BMPR1B: variants seen among roughly 807,000 people sequenced by gnomAD.
BMPR1B encodes bone morphogenetic protein receptor type 1B, also known as bone morphogenetic protein receptor type-1B.
Under a neutral mutation model 59.1 loss-of-function variants are expected in BMPR1B, and 12 were observed. The ratio of observed to expected loss-of-function variants is 0.20; its 90% CI spans 0.13 to 0.33. BMPR1B has a LOEUF of 0.33. Among genes scored for constraint, BMPR1B ranks in the 10% least tolerant of loss-of-function variants. The pLI is 1.00. For missense variants in BMPR1B, 550 were observed against 610.9 expected, an observed-to-expected ratio of 0.90 and a Z score of 1.05; for synonymous variants, 237 against 207.3, an observed-to-expected ratio of 1.14 and a Z score of -1.23.
chr4:95,110,791 C>A (rs1257181247), intron 4 of BMPR1B, among the ~76,000 whole-genome samples: 3 of 152,176 alleles, frequency 2.0e-5, no homozygotes, highest in African/African-American at 7.2e-5. Context: ...ACTCAGCACC[C>A]AGCTCTGCTG....
At chr4:94,809,886 TA>T (rs1217896980) in intron 1 of BMPR1B, among the ~76,000 whole-genome samples, 1 of 152,204 alleles carries the variant, frequency 6.6e-6, no homozygotes, top group African/African-American at 2.4e-5. Flanking sequence ...GGAGAGGCCT[TA>T]GATGGCAGTT....
chr4:94,801,090 G>A (rs971808534), intron 1 of BMPR1B, among the ~76,000 whole-genome samples: 8 of 152,152 alleles, frequency 5.3e-5, no homozygotes, highest in South Asian at 2.1e-4. Context: ...CCCAAGTGCC[G>A]TGGAATTGAA....
intron 12 of BMPR1B, 28 bp from the exon 13 acceptor site, chr4:95,154,520 A>T (rs1735272415): frequency 4.3e-6 from 7 of 1,613,874 alleles, no homozygotes; most frequent in East Asian, 2.2e-5. Flanking sequence ...TGCAGATGAT[A>T]CATTTTTCTA....
At chr4:94,924,037 G>T (rs1728796596) in intron 2 of BMPR1B, among the ~76,000 whole-genome samples, 1 of 152,016 alleles carries the variant, frequency 6.6e-6, no homozygotes, top group Non-Finnish European at 1.5e-5. Context: ...GCTGTTTGGG[G>T]GACTGTGATG....
chr4:95,151,170 A>G (rs1452817568), intron 11 of BMPR1B, among the ~76,000 whole-genome samples: 1 of 152,202 alleles, frequency 6.6e-6, no homozygotes, highest in Non-Finnish European at 1.5e-5. Flanking sequence ...ACAGAGTTAA[A>G]TGGCAGCTAA....
intron 1 of BMPR1B, among the ~76,000 whole-genome samples, chr4:94,792,567 T>C (rs1053705076): frequency 6.6e-5 from 10 of 152,098 alleles, no homozygotes; most frequent in Non-Finnish European, 1.5e-4. Context: ...TGCCACAAAA[T>C]AGGGCTTTAA....
In BMPR1B at chr4:95,028,012, A is replaced by T. The variant is rs558965919; in HGVS notation, c.-18+31878A>T. Among the ~76,000 whole-genome samples, 20 of 152,230 alleles carry T rather than the reference A, an allele frequency of 1.3e-4. No homozygotes were observed. In the South Asian group the frequency reaches 3.7e-3, roughly 28 times the overall value. On this transcript the variant is annotated intron_variant, in intron 3 of 12. Transcript: ENST00000515059. ...AGAGGCAATAGAAAGGCAGGGCCAAAAGCACTTATCCCAGGAGGTTATATA... is the reference window on the plus strand; with the variant it reads ...AGAGGCAATAGAAAGGCAGGGCCAATAGCACTTATCCCAGGAGGTTATATA...
At chr4:95,065,559 A>G (rs1384109267) in intron 3 of BMPR1B, among the ~76,000 whole-genome samples, 2 of 152,212 alleles carry the variant, frequency 1.3e-5, no homozygotes, top group Non-Finnish European at 2.9e-5. Flanking sequence ...TCATTCTCTA[A>G]TATTTTATTC....
rs191183602 is a variant in BMPR1B, at chr4:95,148,979, C to G, written c.1252+56C>G. The G allele has an allele frequency of 2.5e-3, 3,965 of 1,595,816 alleles. 17 individuals are homozygous for G. The highest frequency in any genetic ancestry group is 8.1e-3 in the South Asian group (735 of 90,568). ...CTATTGGAGCTACTATAAATCCTTT[C>G]TTTCTGATCAGAAATCAAAGTTATC... On this transcript the variant is annotated intron_variant, in intron 11 of 12. Transcript: ENST00000515059.
At chr4:95,125,357 T>C (rs1212733715) in intron 8 of BMPR1B, among the ~76,000 whole-genome samples, 3 of 152,152 alleles carry the variant, frequency 2.0e-5, no homozygotes, top group Admixed American at 1.3e-4. Flanking sequence ...GACATTCTGA[T>C]GAAGAGCAGA....
chr4:94,799,414 C>T (rs1403245385), intron 1 of BMPR1B, among the ~76,000 whole-genome samples: 1 of 151,292 alleles, frequency 6.6e-6, no homozygotes, highest in Non-Finnish European at 1.5e-5. Flanking sequence ...AGTGATTCCT[C>T]TGTCTCAGCC....
At chr4:94,985,721 A>G (rs1721365024) in intron 2 of BMPR1B, among the ~76,000 whole-genome samples, 1 of 152,038 alleles carries the variant, frequency 6.6e-6, no homozygotes, top group African/African-American at 2.4e-5. Context: ...AGGTGAGATG[A>G]CCTGAATTCA....
At position 94,887,055 on chromosome 4, in the gene BMPR1B, G is replaced by A. The variant is rs921131139; in HGVS notation, c.-113+11155G>A. 2.0e-5 allele frequency among the ~76,000 whole-genome samples: 3 copies of A among 152,130 alleles called. No homozygotes were observed. The South Asian group carries it at 6.2e-4, about 32-fold the overall frequency. ...GAGGGGATAAAAGGTAAAAAGGAAC[G>A]AAGAGCGATTCTTTGGCAATGAATG... On this transcript the variant is annotated intron_variant, in intron 2 of 12. Transcript: ENST00000515059.
chr4:94,985,961 A>T (rs1443380790), intron 2 of BMPR1B, among the ~76,000 whole-genome samples: 1 of 152,174 alleles, frequency 6.6e-6, no homozygotes, highest in Admixed American at 6.5e-5. Flanking sequence ...AGCACCATGG[A>T]TCCCTTAGTC....
chr4:94,884,110 G>A (rs1372366018), intron 2 of BMPR1B, among the ~76,000 whole-genome samples: 1 of 152,208 alleles, frequency 6.6e-6, no homozygotes, highest in Non-Finnish European at 1.5e-5. Context: ...TGAAGTCAGA[G>A]TGGTCTTCCA....
chr4:94,763,157 A>G (rs886427096), intron 1 of BMPR1B, among the ~76,000 whole-genome samples: 2 of 152,172 alleles, frequency 1.3e-5, no homozygotes, highest in Non-Finnish European at 2.9e-5. Context: ...AGCATCCTTG[A>G]ATGAGCATCT....
chr4:95,116,452 C>CAT (rs1732071626), intron 6 of BMPR1B, among the ~76,000 whole-genome samples: 2 of 151,556 alleles, frequency 1.3e-5, no homozygotes, highest in African/African-American at 4.8e-5. Flanking sequence ...CACACACACA[C>CAT]ACACACACAC....
At chr4:94,801,602 A>G (rs1291835508) in intron 1 of BMPR1B, among the ~76,000 whole-genome samples, 12 of 152,184 alleles carry the variant, frequency 7.9e-5, no homozygotes, top group Non-Finnish European at 1.3e-4. Flanking sequence ...ACTACTATCT[A>G]TAGTACTATT....
chr4:95,040,046 AC>A (rs1725541035), intron 3 of BMPR1B, among the ~76,000 whole-genome samples: 1 of 152,224 alleles, frequency 6.6e-6, no homozygotes, highest in African/African-American at 2.4e-5. Context: ...AGCTAAGTCT[AC>A]TACTAAATGT....
Sources: gnomAD v4.1 joint callset for allele counts (sites outside exome capture counted in the v4.1 genomes callset) on GRCh38, gnomAD v4.1.1 for gene constraint, MANE v1.5 for transcripts, NCBI Gene and HGNC (gene_info 2026-07-23, HGNC 2026-07-21) for gene names.